FARS2: variants seen among roughly 807,000 people sequenced by gnomAD.
The protein encoded by FARS2 is phenylalanyl-tRNA synthetase 2, mitochondrial.
A neutral mutation model predicts 46.4 loss-of-function variants in FARS2; 40 were observed. The ratio of observed to expected loss-of-function variants is 0.86; its 90% CI spans 0.67 to 1.12. FARS2 has a LOEUF of 1.12. Among genes scored for constraint, FARS2 ranks in the 50% most tolerant of loss-of-function variants. The probability of loss-of-function intolerance (pLI) is 0.00; values close to 1 mark genes in which losing one functional copy is unlikely to be tolerated. For missense variants in FARS2, 513 were observed against 567.9 expected (o/e 0.90, Z 0.98); for synonymous variants, 234 against 214.9 (o/e 1.09, Z -0.78).
intron 6 of FARS2, among the ~76,000 whole-genome samples, chr6:5,712,847 A>G (rs115747963): frequency 0.021 from 3,165 of 152,330 alleles, 113 homozygotes; most frequent in African/African-American, 0.073. Flanking sequence ...ACAGTCAGGC[A>G]TGCACAGAGG....
chr6:5,300,647 C>T (rs532137561), intron 1 of FARS2, among the ~76,000 whole-genome samples: 21 of 151,940 alleles, frequency 1.4e-4, no homozygotes, highest in Admixed American at 7.9e-4. Flanking sequence ...CAGTCATGGG[C>T]ATCTGGTCAT....
At chr6:5,536,783 A>C (rs947502941) in intron 4 of FARS2, among the ~76,000 whole-genome samples, 1 of 152,192 alleles carries the variant, frequency 6.6e-6, no homozygotes, top group Non-Finnish European at 1.5e-5. Context: ...CAGGTTTCTC[A>C]GGAGAGAATG....
chr6:5,755,409 A>C (rs902710258), intron 6 of FARS2, among the ~76,000 whole-genome samples: 1 of 151,746 alleles, frequency 6.6e-6, no homozygotes, highest in Non-Finnish European at 1.5e-5. Flanking sequence ...CTCATTGTTC[A>C]ACTCCCACTT....
At chr6:5,338,956 C>A (rs1055939933) in intron 1 of FARS2, among the ~76,000 whole-genome samples, 1 of 152,130 alleles carries the variant, frequency 6.6e-6, no homozygotes, top group African/African-American at 2.4e-5. Context: ...AAGATATGTA[C>A]AGGTATATGC....
chr6:5,267,925 GT>G (rs1323713395), intron 1 of FARS2, among the ~76,000 whole-genome samples: 1 of 151,872 alleles, frequency 6.6e-6, no homozygotes, highest in Non-Finnish European at 1.5e-5. Flanking sequence ...TCTCATTGTG[GT>G]TTTGATTTGC....
intron 6 of FARS2, among the ~76,000 whole-genome samples, chr6:5,652,464 A>G (rs1200763026): frequency 6.6e-6 from 1 of 152,274 alleles, no homozygotes; most frequent in East Asian, 1.9e-4. Flanking sequence ...TTATCTTCCT[A>G]GGAACTCGGT....
intron 4 of FARS2, among the ~76,000 whole-genome samples, chr6:5,462,066 A>T (rs1046759606): frequency 6.6e-6 from 1 of 152,040 alleles, no homozygotes; most frequent in Non-Finnish European, 1.5e-5. Flanking sequence ...CTTCACCAAC[A>T]CTTTGTATTA....
chr6:5,345,651 T>C (rs1408583576), intron 1 of FARS2, among the ~76,000 whole-genome samples: 1 of 152,158 alleles, frequency 6.6e-6, no homozygotes, highest in Non-Finnish European at 1.5e-5. Context: ...AATTTGGTGT[T>C]TGAGAGTAGC....
At chr6:5,573,013 A>G (rs916775035) in intron 5 of FARS2, among the ~76,000 whole-genome samples, 10 of 152,126 alleles carry the variant, frequency 6.6e-5, no homozygotes, top group African/African-American at 1.9e-4. Context: ...TATCGAAAAT[A>G]TTTGTTCACT....
At chr6:5,434,011 T>C (rs1483509926) in intron 4 of FARS2, among the ~76,000 whole-genome samples, 1 of 152,154 alleles carries the variant, frequency 6.6e-6, no homozygotes, top group Non-Finnish European at 1.5e-5. Context: ...AATGGCAAAG[T>C]GAAAAAGACA....
At chr6:5,432,469 T>A (rs1204561100) in intron 4 of FARS2, among the ~76,000 whole-genome samples, 3 of 128,800 alleles carry the variant, frequency 2.3e-5, no homozygotes, top group Non-Finnish European at 3.2e-5. Context: ...ATATTATATA[T>A]ATTTTTTATA....
chr6:5,591,684 A>G, intron 5 of FARS2, among the ~76,000 whole-genome samples: 1 of 152,084 alleles, frequency 6.6e-6, no homozygotes. Flanking sequence ...CGCCCCGAGG[A>G]TCCTTTCCCT....
chr6:5,517,960 C>T (rs140455045), intron 4 of FARS2, among the ~76,000 whole-genome samples: 239 of 152,262 alleles, frequency 1.6e-3, no homozygotes, highest in Middle Eastern at 3.4e-3. Context: ...TAGGAGTTGA[C>T]GGTTCAGAGA....
At chr6:5,547,887 T>C (rs769558733) in intron 5 of FARS2, among the ~76,000 whole-genome samples, 2 of 152,234 alleles carry the variant, frequency 1.3e-5, no homozygotes, top group Non-Finnish European at 2.9e-5. Flanking sequence ...TCTGGAGTTA[T>C]ACTTATTTAT....
At chr6:5,353,508 C>T (rs527837742) in intron 1 of FARS2, among the ~76,000 whole-genome samples, 1 of 152,238 alleles carries the variant, frequency 6.6e-6, no homozygotes, top group East Asian at 1.9e-4. Context: ...TATTAATTTG[C>T]ATTCCCACCA....
chr6:5,353,726 G>GGTT (rs372361390), intron 1 of FARS2, among the ~76,000 whole-genome samples: 1 of 40,362 alleles, frequency 2.5e-5, no homozygotes, highest in Admixed American at 3.9e-4. Context: ...AATATTTGGT[G>GGTT]TTTTTTTTTT....
intron 5 of FARS2, among the ~76,000 whole-genome samples, chr6:5,596,055 C>G (rs776629077): frequency 6.6e-6 from 1 of 152,114 alleles, no homozygotes; most frequent in Non-Finnish European, 1.5e-5. Context: ...ATTTAATTTT[C>G]ATAATAATTC....
chr6:5,336,133 C>T (rs1252896282), intron 1 of FARS2, among the ~76,000 whole-genome samples: 1 of 151,996 alleles, frequency 6.6e-6, no homozygotes, highest in South Asian at 2.1e-4. Context: ...CATTAATTCT[C>T]AGCTGGATTT....
chr6:5,396,838 G>A lies in FARS2; in HGVS notation c.613-7704G>A, dbSNP rs113936320. ...CCTCACCTTCACCTCTTCAAGAGCG[G>A]TAAATTGGTTCCAGGGCTGTTGCTG... is the stretch of plus-strand genomic sequence containing the variant. On this transcript the variant is annotated intron_variant, in intron 2 of 6. Coordinates refer to ENST00000274680, the MANE Select transcript of FARS2 (RefSeq NM_006567.5). Among the ~76,000 whole-genome samples the A allele has an allele frequency of 1.1e-3, 166 of 152,234 alleles. 1 individual carries two copies. The highest frequency in any genetic ancestry group is 3.9e-3 in the African/African-American group (160 of 41,552).
Sources: gnomAD v4.1 joint callset for allele counts (sites outside exome capture counted in the v4.1 genomes callset) on GRCh38, gnomAD v4.1.1 for gene constraint, MANE v1.5 for transcripts, NCBI Gene and HGNC (gene_info 2026-07-23, HGNC 2026-07-21) for gene names.